The following ABRAXAS1 variants were observed in gnomAD, a reference collection of about 807,000 sequenced individuals.
ABRAXAS1 encodes the protein BRCA1-A complex subunit Abraxas 1.
A neutral mutation model predicts 38.4 loss-of-function variants in ABRAXAS1; 26 were observed. That is an observed-to-expected ratio of 0.68 (90% CI 0.50 to 0.94). The LOEUF is 0.94. ABRAXAS1 is among the 40% of genes least tolerant of loss of function. The pLI, the probability that ABRAXAS1 is intolerant of heterozygous loss-of-function variation, is 0.00. For synonymous variants in ABRAXAS1, 144 were observed against 165.5 expected, an observed-to-expected ratio of 0.87 and a Z score of 1.00; for missense variants, 438 against 481.9, an observed-to-expected ratio of 0.91 and a Z score of 0.85.
In ABRAXAS1 at chr4:83,469,077, C is replaced by A. The variant is rs1300498786; in HGVS notation, c.551G>T (p.Gly184Val). Residue 184 changes from glycine (G) to valine (V), a missense_variant, in exon 6 of 9, where the codon GGT becomes GTT. Coordinates refer to ENST00000321945, the MANE Select transcript of ABRAXAS1 (RefSeq NM_139076.3). Reference protein sequence around the residue: ...SEQLGYKTVSGSCMSTGFSRA... With the variant: ...SEQLGYKTVSVSCMSTGFSRA... Reference sequence around the variant, plus strand: ...GCTAAAACCAGTGGACATACAGGAACCTGATACAGTTTTATAACCCAGTTG... The same window carrying A: ...GCTAAAACCAGTGGACATACAGGAAACTGATACAGTTTTATAACCCAGTTG... 3 of 1,613,790 alleles carry A rather than the reference C, an allele frequency of 1.9e-6. No homozygotes were observed. Among genetic ancestry groups the A allele is most frequent in the Admixed American group, 1.7e-5 (1 of 60,020 alleles).
chr4:83,483,466 A>G (rs1194079850), intron 1 of ABRAXAS1, among the ~76,000 whole-genome samples: 1 of 151,946 alleles, frequency 6.6e-6, no homozygotes, highest in Non-Finnish European at 1.5e-5. Flanking sequence ...ATTTTTTTGT[A>G]GACATGAGGT....
intron 7 of ABRAXAS1, among the ~76,000 whole-genome samples, chr4:83,464,277 GAAAC>G (rs1157107774): frequency 6.6e-6 from 1 of 152,178 alleles, no homozygotes; most frequent in Admixed American, 6.6e-5. Flanking sequence ...CACAGTAAGT[GAAAC>G]AAAGTGACTA....
chr4:83,470,721 AT>A (rs1722549716), intron 4 of ABRAXAS1, among the ~76,000 whole-genome samples: 2 of 152,344 alleles, frequency 1.3e-5, no homozygotes, highest in South Asian at 2.1e-4. Flanking sequence ...AATGAAAAAA[AT>A]ATCAATGCCA....
chr4:83,474,409 C>T (rs2110043054), intron 3 of ABRAXAS1, among the ~76,000 whole-genome samples: 1 of 151,974 alleles, frequency 6.6e-6, no homozygotes, highest in Middle Eastern at 3.4e-3. Flanking sequence ...TTCTTACAAC[C>T]CTTTAAAAAT....
Position 83,469,182 on chromosome 4 carries a change from TAGAATGAAAAG to T in ABRAXAS1, c.477-42_477-32del. 3 of 1,598,360 alleles carry T rather than the reference TAGAATGAAAAG, an allele frequency of 1.9e-6. No individual in the cohort carries two copies. In the South Asian group the frequency reaches 3.3e-5, roughly 18 times the overall value. ...AAAATAAAACTTTAGAGTATAAACTTAGAATGAAAAGAAAGATTAGTATCTACCTGCTGGAA... is the reference window on the plus strand; with the variant it reads ...AAAATAAAACTTTAGAGTATAAACTTAAAGATTAGTATCTACCTGCTGGAA... On this transcript the variant is annotated intron_variant, in intron 5 of 8. Coordinates refer to ENST00000321945, the MANE Select transcript of ABRAXAS1 (RefSeq NM_139076.3).
At chr4:83,482,112 GA>G in intron 2 of ABRAXAS1, 41 bp downstream of exon 2, 1 of 1,219,582 alleles carries the variant, frequency 8.2e-7, no homozygotes, top group South Asian at 1.3e-5. Flanking sequence ...TCAAATATAG[GA>G]GACACAGATG....
chr4:83,482,700 G>GA lies in ABRAXAS1; in HGVS notation c.88-457dup, dbSNP rs566393657. 6.9e-3 allele frequency among the ~76,000 whole-genome samples: 1,045 copies of GA among 151,944 alleles called. 12 individuals are homozygous for GA. The highest frequency in any genetic ancestry group is 0.024 in the African/African-American group (999 of 41,458). On this transcript the variant is annotated intron_variant, in intron 1 of 8. Transcript: ENST00000321945. ...GATAGAGTGAGACTCTGCCTCAAAAGAAAAAAAGTAGAAATAAAGAGGAGA... is the reference window on the plus strand; with the variant it reads ...GATAGAGTGAGACTCTGCCTCAAAAGAAAAAAAAGTAGAAATAAAGAGGAGA...
In ABRAXAS1 at chr4:83,461,271, A is replaced by G. The variant is rs550697211; in HGVS notation, c.*1198T>C. ...ATGATGCCAATACTGACTCAAACCA[A>G]CCTTTGGATAGAAAAGTGTTTGAGG... is the stretch of plus-strand genomic sequence containing the variant. On this transcript the variant is annotated 3_prime_UTR_variant, in exon 9 of 9. Transcript: ENST00000321945. 7.8e-7 allele frequency: 1 copy of G among 1,280,208 alleles called. No individual in the cohort carries two copies. Among genetic ancestry groups the G allele is most frequent in the East Asian group, 2.3e-5 (1 of 43,114 alleles). 79.3% of individuals were successfully genotyped at this position (1,280,208 alleles called of 1,614,324 possible). A position where few individuals can be genotyped will look rare whatever the true frequency, so the allele number is the denominator to read the frequency against.
chr4:83,477,780 T>C (rs1331425226), intron 2 of ABRAXAS1: 5 of 726,990 alleles, frequency 6.9e-6, no homozygotes, highest in Non-Finnish European at 1.3e-5. Context: ...GCTCCTGTTT[T>C]GCAAAGACAA....
At position 83,460,980 on chromosome 4, in the gene ABRAXAS1, T is replaced by G. The variant is rs762949273; in HGVS notation, c.*1489A>C. 2 of 1,605,576 alleles carry G rather than the reference T, an allele frequency of 1.2e-6. No homozygotes were observed. The highest frequency in any genetic ancestry group is 2.7e-5 in the African/African-American group (2 of 74,044). The stretch of plus-strand genomic sequence containing the variant: ...AAGCTTTTTATTTTACAGGTCTTTG[T>G]GGGAAGAAACAGAAAGAAATCACAA... On this transcript the variant is annotated 3_prime_UTR_variant, in exon 9 of 9. Transcript: ENST00000321945.
chr4:83,482,793 T>C (rs1335274267), intron 1 of ABRAXAS1, among the ~76,000 whole-genome samples: 1 of 152,166 alleles, frequency 6.6e-6, no homozygotes, highest in East Asian at 1.9e-4. Flanking sequence ...AGATTAGCCC[T>C]GTAGCCCTGG....
Position 83,462,920 on chromosome 4 carries a change from A to G in ABRAXAS1, c.797-18T>C. Reference sequence around the variant, plus strand: ...CTTCTCTCCTAAACAAAATAGAATAACAGTTCAACATATAACATTTCTTCT... The same window carrying G: ...CTTCTCTCCTAAACAAAATAGAATAGCAGTTCAACATATAACATTTCTTCT... On this transcript the variant is annotated intron_variant, in intron 8 of 8. Transcript: ENST00000321945. 6.8e-7 allele frequency: 1 copy of G among 1,465,604 alleles called. No individual in the cohort carries two copies. Among genetic ancestry groups the G allele is most frequent in the Non-Finnish European group, 9.2e-7 (1 of 1,084,360 alleles). 90.8% of individuals were successfully genotyped at this position (1,465,604 alleles called of 1,614,324 possible).
chr4:83,470,285 A>G lies in ABRAXAS1; in HGVS notation c.394T>C (p.Phe132Leu). The change falls in exon 5 of 9, where the codon TTT becomes CTT. Residue 132 changes from phenylalanine (F) to leucine (L), a missense_variant. Physicochemically the swap from Phe to Leu is conservative, Grantham distance 22. Around this residue, in one of 3 missense-constraint regions of ABRAXAS1, gnomAD observed 194 missense variants for 269.0 expected, o/e 0.72. Coordinates refer to ENST00000321945, the MANE Select transcript of ABRAXAS1 (RefSeq NM_139076.3). ...QEHFSNQDLVFLLLTPSIITE... is the reference protein window; with the variant it reads ...QEHFSNQDLVLLLLTPSIITE... ...ATTATACTTGGTGTTAATAGCAGAA[A>G]AACAAGGTCTTGGTTTGAAAAATGC... The G allele has an allele frequency of 6.2e-7, 1 of 1,613,876 alleles. No individual in the cohort carries two copies. The highest frequency in any genetic ancestry group is 8.5e-7 in the Non-Finnish European group (1 of 1,179,826).
chr4:83,468,973 A>G (rs1323707711), intron 6 of ABRAXAS1, 59 bp downstream of exon 6: 2 of 1,578,200 alleles, frequency 1.3e-6, no homozygotes, highest in Admixed American at 1.8e-5. Context: ...TGTTTGAGAA[A>G]TAAGAAAATT....
chr4:83,479,601 A>C (rs1390167107), intron 2 of ABRAXAS1: 1 of 152,154 alleles, frequency 6.6e-6, no homozygotes, highest in Non-Finnish European at 1.5e-5. Flanking sequence ...TAACAAAAAA[A>C]CCCAGAAAAT....
At chr4:83,483,174 T>G (rs1412144647) in intron 1 of ABRAXAS1, among the ~76,000 whole-genome samples, 3 of 152,208 alleles carry the variant, frequency 2.0e-5, no homozygotes, top group Admixed American at 6.5e-5. Flanking sequence ...TTAAAACTAC[T>G]TGTATTCTGC....
At position 83,460,800 on chromosome 4, in the gene ABRAXAS1, G is replaced by A; in HGVS notation, c.*1669C>T. 1.7e-6 allele frequency: 1 copy of A among 583,868 alleles called. No homozygotes were observed. The highest frequency in any genetic ancestry group is 3.1e-6 in the Non-Finnish European group (1 of 324,314). 36.2% of individuals were successfully genotyped at this position (583,868 alleles called of 1,614,324 possible). On this transcript the variant is annotated 3_prime_UTR_variant, in exon 9 of 9. Transcript: ENST00000321945. ...GCATGCCTGTAATTCCAGTTACTAA[G>A]GAGGCTGAGGCAAGATAATCGATTG...
At chr4:83,475,633 A>G (rs1722737626) in intron 3 of ABRAXAS1, among the ~76,000 whole-genome samples, 1 of 152,106 alleles carries the variant, frequency 6.6e-6, no homozygotes, top group Non-Finnish European at 1.5e-5. Flanking sequence ...TAGTGGAGAC[A>G]GTGTTTCACC....
chr4:83,469,607 CT>C (rs1353760267), intron 5 of ABRAXAS1: 1 of 172,878 alleles, frequency 5.8e-6, no homozygotes, highest in African/African-American at 2.4e-5. Context: ...ACATGTAAAG[CT>C]GTGAAATGTG....
Sources: allele counts gnomAD v4.1 joint callset (sites outside exome capture counted in the v4.1 genomes callset), GRCh38; gene constraint gnomAD v4.1.1; regional missense constraint gnomAD v4.1.1; transcripts MANE v1.5; gene names NCBI Gene and HGNC (gene_info 2026-07-23, HGNC 2026-07-21).